BTAF1: variants seen among roughly 807,000 people sequenced by gnomAD.
BTAF1 encodes the protein TATA-binding protein-associated factor 172.
BTAF1 carries 38 observed loss-of-function variants against 227.1 expected under a neutral mutation model. The ratio of observed to expected loss-of-function variants is 0.17; its 90% CI spans 0.13 to 0.22. The LOEUF is 0.22. Ranked by LOEUF, BTAF1 falls within the 10% of genes least tolerant of loss-of-function variation. The pLI is 1.00. For missense variants in BTAF1, 1,598 were observed against 2,204.0 expected (o/e 0.73, Z 5.51); for synonymous variants, 742 against 751.9 (o/e 0.99, Z 0.21).
rs1475339720 is a variant in BTAF1 at position 92,031,166 on chromosome 10, A to G, written c.*2233A>G. Among the ~76,000 whole-genome samples, 1 of 152,224 alleles carries G rather than the reference A, an allele frequency of 6.6e-6. No homozygotes were observed. Among genetic ancestry groups the G allele is most frequent in the Non-Finnish European group, 1.5e-5 (1 of 68,040 alleles). On this transcript the variant is annotated 3_prime_UTR_variant, in exon 38 of 38. Transcript: ENST00000265990. ...TAGGAAATAGCAAACTGTTAAAAAT[A>G]TAGATTCAGAGATTATTAGTCTTAT...
chr10:91,940,959 G>A (rs1471068224), intron 3 of BTAF1, among the ~76,000 whole-genome samples: 7 of 152,064 alleles, frequency 4.6e-5, no homozygotes, highest in East Asian at 1.9e-4. Context: ...TGAGGCCCAC[G>A]TCAGCCTCCC....
At chr10:91,975,277 G>C (rs1418559858) in intron 14 of BTAF1, among the ~76,000 whole-genome samples, 1 of 152,170 alleles carries the variant, frequency 6.6e-6, no homozygotes, top group Middle Eastern at 3.2e-3. Context: ...GATTGAGTTG[G>C]AATCTGAAGC....
chr10:92,003,379 A>G (rs963352184), intron 25 of BTAF1, among the ~76,000 whole-genome samples: 15 of 152,324 alleles, frequency 9.8e-5, no homozygotes, highest in African/African-American at 3.6e-4. Context: ...CCCTTTAACC[A>G]GCATCTATCC....
chr10:91,952,160 TTGTGTGTG>T (rs143124844), intron 5 of BTAF1, among the ~76,000 whole-genome samples: 57 of 148,612 alleles, frequency 3.8e-4, no homozygotes, highest in African/African-American at 1.3e-3. Context: ...GTGTGTGTGT[TTGTGTGTG>T]TGTGTGTGTG....
At chr10:91,996,133 C>G (rs1481750915) in intron 23 of BTAF1, among the ~76,000 whole-genome samples, 2 of 152,128 alleles carry the variant, frequency 1.3e-5, no homozygotes, top group African/African-American at 4.8e-5. Flanking sequence ...ATGATATGAG[C>G]AGAGCAGAGG....
intron 3 of BTAF1, 107 bp downstream of exon 3, chr10:91,940,173 A>C: frequency 3.1e-6 from 2 of 641,700 alleles, no homozygotes; most frequent in East Asian, 3.3e-5. Flanking sequence ...CTTAATTTCC[A>C]TGCTTTTAGG....
intron 7 of BTAF1, 149 bp from the exon 8 acceptor site, chr10:91,957,076 A>C (rs1451736981): frequency 1.9e-6 from 1 of 518,684 alleles, no homozygotes; most frequent in East Asian, 3.1e-5. Context: ...TTTTATCAGT[A>C]AAAATATATC....
chr10:92,018,406 T>C (rs1380467422), intron 33 of BTAF1, among the ~76,000 whole-genome samples: 1 of 152,194 alleles, frequency 6.6e-6, no homozygotes. Context: ...CACTGAAGTT[T>C]GAGCAACTTT....
At chr10:92,012,870 T>C (rs907856109) in intron 30 of BTAF1, among the ~76,000 whole-genome samples, 5 of 152,140 alleles carry the variant, frequency 3.3e-5, no homozygotes, top group African/African-American at 7.2e-5. Context: ...TTTGAAGTTA[T>C]ATGGAAACAT....
At chr10:91,965,560 A>G (rs983474535) in intron 13 of BTAF1, among the ~76,000 whole-genome samples, 2 of 152,360 alleles carry the variant, frequency 1.3e-5, no homozygotes, top group Admixed American at 1.3e-4. Context: ...TGAAAATTCT[A>G]TTAATTCAAT....
chr10:91,982,692 G>T lies in BTAF1; in HGVS notation c.2154G>T (p.Leu718Phe), dbSNP rs1848153667. 3 of 1,613,928 alleles carry T rather than the reference G, an allele frequency of 1.9e-6. No individual in the cohort carries two copies. In the East Asian group the frequency reaches 6.7e-5, roughly 36 times the overall value. ...TGGGCCAGTTACTACTCTTCCATTT[G>T]AACTCCAAGTCTGCTTTACAGAGGA... ...ESLGQLLLFHLNSKSALQRIS... is the reference protein window; with the variant it reads ...ESLGQLLLFHFNSKSALQRIS... Residue 718 changes from leucine to phenylalanine, a missense_variant, in exon 18 of 38, where the codon TTG becomes TTT. Coordinates refer to ENST00000265990, the MANE Select transcript of BTAF1 (RefSeq NM_003972.3).
intron 12 of BTAF1, 89 bp downstream of exon 12, chr10:91,962,767 C>A: frequency 8.0e-7 from 1 of 1,244,802 alleles, no homozygotes. Flanking sequence ...GTACATTTTT[C>A]TCCTTCATCT....
At chr10:91,959,240 G>A (rs137973632) in intron 9 of BTAF1, 86 bp downstream of exon 9, 128 of 1,593,534 alleles carry the variant, frequency 8.0e-5, no homozygotes, top group Non-Finnish European at 1.0e-4. Flanking sequence ...TATGTGCCGT[G>A]AAGTAGGAAT....
intron 4 of BTAF1, among the ~76,000 whole-genome samples, chr10:91,949,382 CATTA>C (rs1255442017): frequency 5.9e-5 from 9 of 152,180 alleles, no homozygotes; most frequent in African/African-American, 1.7e-4. Context: ...AGTTGGTATC[CATTA>C]ATTATCTTTC....
Position 91,996,491 on chromosome 10 carries a change from T to A in BTAF1, c.3432T>A (p.Ile1144=). The change falls in exon 24 of 38, where the codon ATT becomes ATA. Residue 1144 remains isoleucine, a synonymous_variant. Coordinates refer to ENST00000265990, the MANE Select transcript of BTAF1 (RefSeq NM_003972.3). ...SKIATMETMN[I]FLEKVLPWLG... is the part of the protein sequence containing the mutation. ...TAGCTACCATGGAAACAATGAATAT[T>A]TTTTTGGAGAAGGTTCTTCCGTGGC... The A allele has an allele frequency of 1.9e-6, 3 of 1,614,150 alleles. No homozygotes were observed. Among genetic ancestry groups the A allele is most frequent in the Non-Finnish European group, 2.5e-6 (3 of 1,180,024 alleles).
intron 34 of BTAF1, 64 bp from the exon 35 acceptor site, chr10:92,024,692 C>T: frequency 7.5e-7 from 1 of 1,329,344 alleles, no homozygotes; most frequent in Non-Finnish European, 1.0e-6. Context: ...AGGAATGTCA[C>T]AGTGAGATTA....
chr10:92,011,333 A>G lies in BTAF1; in HGVS notation c.4229A>G (p.Lys1410Arg). The change falls in exon 30 of 38, where the codon AAA becomes AGA. Residue 1410 changes from lysine to arginine, a missense_variant. Coordinates refer to ENST00000265990, the MANE Select transcript of BTAF1 (RefSeq NM_003972.3). Reference sequence around the variant, plus strand: ...ATTCTTGATGAAGGCCATGTCATCAAAAATGGAAAAACAAAGTTGTCAAAA... The same window carrying G: ...ATTCTTGATGAAGGCCATGTCATCAGAAATGGAAAAACAAAGTTGTCAAAA... ...YCILDEGHVIKNGKTKLSKAV... is the reference protein window; with the variant it reads ...YCILDEGHVIRNGKTKLSKAV... 1 of 1,501,526 alleles carries G rather than the reference A, an allele frequency of 6.7e-7. No homozygotes were observed. The highest frequency in any genetic ancestry group is 8.8e-7 in the Non-Finnish European group (1 of 1,131,834). 93.0% of individuals were successfully genotyped at this position (1,501,526 alleles called of 1,614,324 possible).
intron 4 of BTAF1, 69 bp from the exon 5 acceptor site, chr10:91,951,334 G>GT: frequency 6.8e-7 from 1 of 1,478,068 alleles, no homozygotes; most frequent in Non-Finnish European, 9.1e-7. Flanking sequence ...TTTTGATAGA[G>GT]TTTGATGTGC....
At position 91,950,155 on chromosome 10, in the gene BTAF1, G is replaced by T. The variant is rs1210266807; in HGVS notation, c.401-1248G>T. 1.0e-3 allele frequency among the ~76,000 whole-genome samples: 55 copies of T among 54,404 alleles called. 3 individuals carry two copies. Among genetic ancestry groups the T allele is most frequent in the East Asian group, 7.8e-3 (6 of 768 alleles). The allele number at this position is 54,404 out of a possible 152,430, so 35.7% of individuals were successfully genotyped here. A position where few individuals can be genotyped will look rare whatever the true frequency, so the allele number is the denominator to read the frequency against. ...GAGAGACCTTGTCCTTTGTGGGGGG[G>T]GGCGGGAAAGAAGACTAGGTTTTTA... On this transcript the variant is annotated intron_variant, in intron 4 of 37. Transcript: ENST00000265990.
Sources: allele counts gnomAD v4.1 joint callset (sites outside exome capture counted in the v4.1 genomes callset), GRCh38; gene constraint gnomAD v4.1.1; transcripts MANE v1.5; gene names NCBI Gene and HGNC (gene_info 2026-07-23, HGNC 2026-07-21).